GABRB1: variants seen among roughly 807,000 people sequenced by gnomAD.
GABRB1 encodes gamma-aminobutyric acid type A receptor subunit beta1, also known as gamma-aminobutyric acid receptor subunit beta-1.
Under a neutral mutation model 51.6 loss-of-function variants are expected in GABRB1, and 17 were observed. That is an observed-to-expected ratio of 0.33 (90% CI 0.23 to 0.49). GABRB1 has a LOEUF of 0.49. Ranked by LOEUF, GABRB1 falls within the 20% of genes least tolerant of loss-of-function variation. The pLI is 0.99. For synonymous variants in GABRB1, 247 were observed against 218.9 expected, an observed-to-expected ratio of 1.13 and a Z score of -1.14; for missense variants, 410 against 600.6, an observed-to-expected ratio of 0.68 and a Z score of 3.32.
chr4:47,115,924 A>T (rs1035381905), intron 3 of GABRB1, among the ~76,000 whole-genome samples: 5 of 152,002 alleles, frequency 3.3e-5, no homozygotes, highest in Non-Finnish European at 7.4e-5. Flanking sequence ...TCCATTTTTT[A>T]AATTTTATTT....
At chr4:47,163,790 C>A (rs896432535) in intron 4 of GABRB1, among the ~76,000 whole-genome samples, 3 of 152,074 alleles carry the variant, frequency 2.0e-5, no homozygotes, top group African/African-American at 7.2e-5. Flanking sequence ...AGCCATTTCA[C>A]CTCCCTGGGC....
intron 4 of GABRB1, among the ~76,000 whole-genome samples, chr4:47,291,383 G>A (rs1463592851): frequency 4.6e-5 from 7 of 152,306 alleles, no homozygotes; most frequent in Middle Eastern, 3.4e-3. Context: ...AGGCCTTCAT[G>A]GAGAACCTCT....
At chr4:47,274,010 T>C (rs1460097442) in intron 4 of GABRB1, among the ~76,000 whole-genome samples, 1 of 152,100 alleles carries the variant, frequency 6.6e-6, no homozygotes, top group Admixed American at 6.6e-5. Flanking sequence ...CTCATGCAAG[T>C]ATTTATATAC....
At chr4:47,241,246 T>C (rs1721507699) in intron 4 of GABRB1, among the ~76,000 whole-genome samples, 1 of 151,520 alleles carries the variant, frequency 6.6e-6, no homozygotes, top group African/African-American at 2.4e-5. Context: ...CAATTTTCTT[T>C]TTTTTCCGAA....
rs529652630 is a variant in GABRB1, at chr4:47,132,746, C to T, written c.241-28503C>T. Among the ~76,000 whole-genome samples, 16 of 152,248 alleles carry T rather than the reference C, an allele frequency of 1.1e-4. 1 individual carries two copies. The South Asian group carries it at 2.5e-3, about 24-fold the overall frequency. ...GGAAGTGAATAGCCACAATCTAGAA[C>T]GTGTTCAGAGAGCCCTACTGCTAAA... On this transcript the variant is annotated intron_variant, in intron 3 of 8. Transcript: ENST00000295454.
At chr4:47,208,442 A>T (rs1720224781) in intron 4 of GABRB1, among the ~76,000 whole-genome samples, 1 of 152,086 alleles carries the variant, frequency 6.6e-6, no homozygotes, top group Admixed American at 6.6e-5. Flanking sequence ...TTGTGGATGT[A>T]AATAATGTCA....
intron 1 of GABRB1, among the ~76,000 whole-genome samples, chr4:47,007,894 A>ATATAT (rs1491436729): frequency 4.5e-4 from 15 of 33,404 alleles, no homozygotes; most frequent in Non-Finnish European, 9.1e-4. Flanking sequence ...ATATATATAT[A>ATATAT]AAATCAAGTT....
chr4:47,302,439 C>T (rs1724295947), intron 4 of GABRB1, among the ~76,000 whole-genome samples: 1 of 151,876 alleles, frequency 6.6e-6, no homozygotes, highest in African/African-American at 2.4e-5. Flanking sequence ...ATATCATTTA[C>T]TGTAAGACTA....
At chr4:47,031,776 T>C (rs371613712) in intron 1 of GABRB1, 45 bp downstream of exon 1, 183 of 1,541,678 alleles carry the variant, frequency 1.2e-4, no homozygotes, top group South Asian at 3.8e-4. Context: ...CTCTCTCTCT[T>C]TTTTTCTTGG....
chr4:47,260,093 C>G (rs922535503), intron 4 of GABRB1, among the ~76,000 whole-genome samples: 6 of 152,126 alleles, frequency 3.9e-5, no homozygotes, highest in Non-Finnish European at 8.8e-5. Flanking sequence ...CCTTCTTTGT[C>G]TCTTTTGATC....
intron 3 of GABRB1, among the ~76,000 whole-genome samples, chr4:47,040,889 G>T (rs1467689149): frequency 6.6e-6 from 1 of 152,112 alleles, no homozygotes; most frequent in East Asian, 1.9e-4. Flanking sequence ...AGTATTTAGA[G>T]CATACTTTTC....
intron 3 of GABRB1, among the ~76,000 whole-genome samples, chr4:47,125,262 A>G (rs967665556): frequency 1.3e-5 from 2 of 152,140 alleles, no homozygotes; most frequent in Admixed American, 1.3e-4. Context: ...TCTCAGACAA[A>G]TAAAAGCTGA....
At position 47,317,383 on chromosome 4, in the gene GABRB1, T is replaced by G. The variant is rs556115167; in HGVS notation, c.462-2744T>G. ...AAACAAAGAATATGGTAAAAGAGTA[T>G]AGCAGACAAATGAATTTTTAATATT... On this transcript the variant is annotated intron_variant, in intron 4 of 8. Transcript: ENST00000295454. Among the ~76,000 whole-genome samples the G allele has an allele frequency of 4.6e-5, 7 of 152,094 alleles. No individual in the cohort carries two copies. The East Asian group carries it at 1.3e-3, about 29-fold the overall frequency.
chr4:47,148,202 G>A (rs935665203), intron 3 of GABRB1, among the ~76,000 whole-genome samples: 8 of 151,982 alleles, frequency 5.3e-5, no homozygotes, highest in African/African-American at 1.9e-4. Context: ...CTTAGGTTCT[G>A]GTTTGGTCAA....
intron 3 of GABRB1, among the ~76,000 whole-genome samples, chr4:47,064,374 C>T (rs931037422): frequency 6.6e-6 from 1 of 152,124 alleles, no homozygotes; most frequent in Non-Finnish European, 1.5e-5. Flanking sequence ...GTGGCTCACG[C>T]CTGTAATCCC....
chr4:47,185,213 A>G (rs1284123109), intron 4 of GABRB1, among the ~76,000 whole-genome samples: 1 of 151,872 alleles, frequency 6.6e-6, no homozygotes, highest in African/African-American at 2.4e-5. Context: ...AGTCTTTCAA[A>G]CACAAAAGTT....
chr4:47,119,861 T>C (rs1715689581), intron 3 of GABRB1, among the ~76,000 whole-genome samples: 1 of 151,440 alleles, frequency 6.6e-6, no homozygotes, highest in Non-Finnish European at 1.5e-5. Flanking sequence ...ATAAAACTAC[T>C]CAGTAGAAAA....
intron 3 of GABRB1, among the ~76,000 whole-genome samples, chr4:47,064,358 G>C (rs1462924249): frequency 6.6e-6 from 1 of 152,176 alleles, no homozygotes; most frequent in Non-Finnish European, 1.5e-5. Flanking sequence ...TATCAGGCCA[G>C]GTGCGGTGGC....
At chr4:47,256,478 A>G (rs1578039924) in intron 4 of GABRB1, among the ~76,000 whole-genome samples, 1 of 152,246 alleles carries the variant, frequency 6.6e-6, no homozygotes, top group Non-Finnish European at 1.5e-5. Context: ...ACTGCACTAC[A>G]CGCTCTGCAT....
Sources: allele counts gnomAD v4.1 joint callset (sites outside exome capture counted in the v4.1 genomes callset), GRCh38; gene constraint gnomAD v4.1.1; transcripts MANE v1.5; gene names NCBI Gene and HGNC (gene_info 2026-07-23, HGNC 2026-07-21).